Variants in C10orf143 observed in about 807,000 individuals in gnomAD.
C10orf143 encodes the protein uncharacterized protein C10orf143.
At chr10:130,059,588 A>G (rs1564955831), downstream of C10orf143, among the ~76,000 whole-genome samples, 1 of 152,230 alleles carries the variant, frequency 6.6e-6, no homozygotes, top group Non-Finnish European at 1.5e-5. Flanking sequence ...GACTTGCTAA[A>G]AAATCTAAAT....
At chr10:130,089,358 T>A (rs566684488) in intron 1 of C10orf143, among the ~76,000 whole-genome samples, 1 of 152,378 alleles carries the variant, frequency 6.6e-6, no homozygotes, top group East Asian at 1.9e-4. Flanking sequence ...CCTCTGCATT[T>A]ATAGAAAACT....
At chr10:130,053,637 G>A (rs74546318) in intron 3 of C10orf143, among the ~76,000 whole-genome samples, 4,971 of 152,292 alleles carry the variant, frequency 0.033, 256 homozygotes, top group African/African-American at 0.11. Context: ...GCTGGGACTC[G>A]GGGCAGTTTG....
At chr10:130,050,871 C>A (rs935962412) in intron 3 of C10orf143, among the ~76,000 whole-genome samples, 7 of 152,220 alleles carry the variant, frequency 4.6e-5, no homozygotes, top group African/African-American at 1.7e-4. Flanking sequence ...CAGCCATAGG[C>A]AGGTGTGTGG....
chr10:130,086,885 G>C (rs930295341), intron 1 of C10orf143, among the ~76,000 whole-genome samples: 6 of 152,176 alleles, frequency 3.9e-5, no homozygotes, highest in Non-Finnish European at 8.8e-5. Context: ...GTGGTTGAAT[G>C]GCCCTTGGCA....
chr10:130,053,648 C>A (rs906362367), intron 3 of C10orf143, among the ~76,000 whole-genome samples: 1 of 152,146 alleles, frequency 6.6e-6, no homozygotes, highest in African/African-American at 2.4e-5. Context: ...GGGCAGTTTG[C>A]GGGTAGCACA....
chr10:130,047,525 G>A (rs552949240), intron 3 of C10orf143, among the ~76,000 whole-genome samples: 5 of 152,260 alleles, frequency 3.3e-5, no homozygotes, highest in East Asian at 3.9e-4. Flanking sequence ...ACCTGCAGCC[G>A]CTTTCTCAAA....
chr10:130,068,358 T>C (rs929677383), intron 3 of C10orf143: 2 of 152,282 alleles, frequency 1.3e-5, no homozygotes, highest in African/African-American at 4.8e-5. Flanking sequence ...TCGCCTGTAA[T>C]CCCAGCACTT....
chr10:130,035,606 C>A (rs962334257), intron 4 of C10orf143, among the ~76,000 whole-genome samples: 5 of 152,158 alleles, frequency 3.3e-5, no homozygotes, highest in Non-Finnish European at 5.9e-5. Context: ...TACTCGGTGC[C>A]CTCACATGTC....
In C10orf143 at chr10:130,047,613, C is replaced by T. The variant is rs368135393; in HGVS notation, c.298-11643G>A. Among the ~76,000 whole-genome samples, 15 of 152,296 alleles carry T rather than the reference C, an allele frequency of 9.8e-5. No individual in the cohort carries two copies. The South Asian group carries it at 2.7e-3, about 27-fold the overall frequency. ...TCCTGCGTCCAGAGCTGGTCAGACC[C>T]GGACGAAGCCAGCTGAGCTGAATGA... On this transcript the variant is annotated intron_variant and NMD_transcript_variant, in intron 3 of 5. Coordinates refer to the C10orf143 transcript ENST00000643056.
At chr10:130,078,580 A>T (rs1215221424) in intron 3 of C10orf143, among the ~76,000 whole-genome samples, 3 of 152,220 alleles carry the variant, frequency 2.0e-5, no homozygotes, top group Non-Finnish European at 4.4e-5. Context: ...AGCAAAGTAT[A>T]CCTTCATGGA....
chr10:130,100,823 G>T (rs1246228888), intron 1 of C10orf143, among the ~76,000 whole-genome samples: 2 of 152,172 alleles, frequency 1.3e-5, no homozygotes, highest in Non-Finnish European at 2.9e-5. Context: ...AGTAGACATA[G>T]CATCAGGGAA....
chr10:130,101,254 A>G (rs1861546030), intron 1 of C10orf143: 1 of 152,050 alleles, frequency 6.6e-6, no homozygotes, highest in African/African-American at 2.4e-5. Context: ...ATCTAGGCTG[A>G]AAGTATACCA....
Position 130,108,186 on chromosome 10 carries a change from C to G in C10orf143, c.69+2518G>C, listed in dbSNP as rs370849936. 1,494 of 1,569,996 alleles carry G rather than the reference C, an allele frequency of 9.5e-4. 5 individuals are homozygous for G. The highest frequency in any genetic ancestry group is 8.1e-3 in the East Asian group (361 of 44,470). On this transcript the variant is annotated intron_variant, in intron 1 of 3. Coordinates refer to ENST00000637128, the MANE Select transcript of C10orf143 (RefSeq NM_001355042.2). ...ACAAGGGGCCCGTTCATGAGAAGAG[C>G]ACCTCCTTTCCCCCCACCTCCTCCA... is the stretch of plus-strand genomic sequence containing the variant.
intron 3 of C10orf143, chr10:130,068,111 C>G (rs1046132602): frequency 2.0e-5 from 3 of 152,658 alleles, no homozygotes; most frequent in African/African-American, 2.4e-5. Flanking sequence ...TGCCCCAAAT[C>G]CCCCTAGCGG....
At chr10:130,053,498 C>G (rs780871910) in intron 3 of C10orf143, among the ~76,000 whole-genome samples, 17 of 152,230 alleles carry the variant, frequency 1.1e-4, no homozygotes, top group Non-Finnish European at 1.9e-4. Context: ...GTCAGACCCC[C>G]TGGTTCTTGC....
At chr10:130,035,880 G>C (rs1457493657) in exon 4 of C10orf143, 2 of 152,244 alleles carry the variant, frequency 1.3e-5, no homozygotes, top group African/African-American at 4.8e-5. Context: ...CTGGAGGCTG[G>C]AGGTCTGAGA....
chr10:130,063,090 G>A (rs1325624426), downstream of C10orf143, among the ~76,000 whole-genome samples: 1 of 152,118 alleles, frequency 6.6e-6, no homozygotes, highest in Non-Finnish European at 1.5e-5. Context: ...ACTCTGAAGC[G>A]GGGGCATTTT....
chr10:130,048,625 C>T (rs550245588), intron 3 of C10orf143, among the ~76,000 whole-genome samples: 5 of 152,320 alleles, frequency 3.3e-5, no homozygotes, highest in South Asian at 2.1e-4. Context: ...ACTAGCCCCA[C>T]GGCTACAAAA....
intron 3 of C10orf143, among the ~76,000 whole-genome samples, chr10:130,075,568 C>A (rs1051121476): frequency 6.6e-6 from 1 of 152,164 alleles, no homozygotes; most frequent in Admixed American, 6.5e-5. Context: ...TTTGGCTACA[C>A]AAATGATGGA....
Sources: allele counts gnomAD v4.1 joint callset (sites outside exome capture counted in the v4.1 genomes callset), GRCh38; gene constraint gnomAD v4.1.1; transcripts MANE v1.5; gene names NCBI Gene and HGNC (gene_info 2026-07-23, HGNC 2026-07-21).